PCNT: variants seen among roughly 807,000 people sequenced by gnomAD.
The protein encoded by PCNT is kendrin.
In PCNT, 319 loss-of-function variants were observed where a neutral mutation model predicts 380.4. The ratio of observed to expected loss-of-function variants is 0.84; its 90% confidence interval spans 0.77 to 0.92. The LOEUF is 0.92. PCNT is among the 40% of genes least tolerant of loss of function. The pLI is 0.00. For missense variants in PCNT, 4,400 were observed against 4,255.3 expected (o/e 1.03, Z -0.95); for synonymous variants, 1,845 against 1,735.2 (o/e 1.06, Z -1.57).
chr21:46,403,570 C>A (rs1283837643), intron 27 of PCNT, among the ~76,000 whole-genome samples: 1 of 122,118 alleles, frequency 8.2e-6, no homozygotes, highest in Non-Finnish European at 1.7e-5. Context: ...GTGTGTGGTG[C>A]CCACGTGGCA....
In PCNT at chr21:46,425,894, C is replaced by T. The variant is rs2087474253; in HGVS notation, c.7243C>T (p.Pro2415Ser). 6.2e-7 allele frequency: 1 copy of T among 1,613,738 alleles called. No individual in the cohort carries two copies. The highest frequency in any genetic ancestry group is 8.5e-7 in the Non-Finnish European group (1 of 1,180,012). ...CCTGGCGCTGTCAGAAGGCCTTGCACCCCCAAGCGGCGAGCCACACCCACC... is the reference window on the plus strand; with the variant it reads ...CCTGGCGCTGTCAGAAGGCCTTGCATCCCCAAGCGGCGAGCCACACCCACC... ...QILALSEGLA[P>S]PSGEPHPPRK... is the part of the protein sequence containing the mutation. The change falls in exon 33 of 47, where the codon CCC becomes TCC. Residue 2415 changes from proline (P) to serine (S), a missense_variant. Physicochemically the swap from Pro to Ser is moderately conservative, Grantham distance 74. Transcript: ENST00000359568. This position sits in a 1 kb window ranked among gnomAD's most constrained non-coding sequence, Gnocchi z 4.2.
intron 38 of PCNT, 88 bp downstream of exon 38, chr21:46,432,303 A>T (rs1404236155): frequency 4.6e-6 from 6 of 1,310,430 alleles, no homozygotes; most frequent in African/African-American, 1.5e-5. Context: ...CGCGAGATTT[A>T]TGTCTGGCCC....
chr21:46,389,939 C>T (rs1024004501), intron 19 of PCNT, among the ~76,000 whole-genome samples: 6 of 152,160 alleles, frequency 3.9e-5, no homozygotes, highest in Admixed American at 6.5e-5. Flanking sequence ...GTGGCCCTCC[C>T]GGAGTTGGAC....
At chr21:46,413,025 C>G (rs13046463) in intron 29 of PCNT, 33 bp downstream of exon 29, 2 of 1,547,278 alleles carry the variant, frequency 1.3e-6, no homozygotes, top group Non-Finnish European at 8.8e-7. Context: ...GAGGTCCCCC[C>G]GGGAGAGGCT....
intron 32 of PCNT, among the ~76,000 whole-genome samples, chr21:46,424,959 C>T (rs1477888269): frequency 6.6e-6 from 1 of 152,212 alleles, no homozygotes; most frequent in Non-Finnish European, 1.5e-5. Flanking sequence ...GTTAAAATTA[C>T]AGGAAAGCCT....
Position 46,363,605 on chromosome 21 carries a change from G to A in PCNT, c.2280G>A (p.Gln760=), listed in dbSNP as rs2084793173. ...GGAAAGTTATGAAGGAGGAGCTACAGCGGGAAGCTGAGGAGAAGTTAACAT... is the reference window on the plus strand; with the variant it reads ...GGAAAGTTATGAAGGAGGAGCTACAACGGGAAGCTGAGGAGAAGTTAACAT... ...TDWKVMKEEL[Q]REAEEKLTLM... Residue 760 remains glutamine, a synonymous_variant, in exon 14 of 47, where the codon CAG becomes CAA. Transcript: ENST00000359568. The A allele has an allele frequency of 6.2e-7, 1 of 1,614,126 alleles. No individual in the cohort carries two copies. The highest frequency in any genetic ancestry group is 1.7e-5 in the Admixed American group (1 of 60,014).
intron 13 of PCNT, among the ~76,000 whole-genome samples, chr21:46,359,230 G>C (rs1448329392): frequency 1.3e-5 from 2 of 149,152 alleles, no homozygotes; most frequent in Non-Finnish European, 3.0e-5. Flanking sequence ...TGGGACTACA[G>C]GCGTGAGCCA....
intron 11 of PCNT, among the ~76,000 whole-genome samples, chr21:46,354,564 T>C (rs1266929075): frequency 6.6e-6 from 1 of 152,208 alleles, no homozygotes; most frequent in Non-Finnish European, 1.5e-5. Flanking sequence ...CAGCAGTATG[T>C]GTGGCTGTGG....
intron 21 of PCNT, among the ~76,000 whole-genome samples, chr21:46,393,313 G>T (rs2086097272): frequency 6.6e-6 from 1 of 152,184 alleles, no homozygotes; most frequent in African/African-American, 2.4e-5. Context: ...ATCTCCTCAG[G>T]ATTTTTCAGG....
intron 35 of PCNT, among the ~76,000 whole-genome samples, chr21:46,429,499 C>T (rs993634568): frequency 6.6e-6 from 1 of 152,002 alleles, no homozygotes; most frequent in East Asian, 1.9e-4. Context: ...GGGTGGTGGG[C>T]CGGTGCTGTC....
chr21:46,367,125 C>A lies in PCNT; in HGVS notation c.3151C>A (p.Gln1051Lys). 1 of 1,612,806 alleles carries A rather than the reference C, an allele frequency of 6.2e-7. No individual in the cohort carries two copies. The highest frequency in any genetic ancestry group is 1.1e-5 in the South Asian group (1 of 91,072). Residue 1051 changes from glutamine to lysine, a missense_variant, in exon 15 of 47, where the codon CAG becomes AAG. By Grantham distance (53) the Gln-to-Lys change is moderately conservative. Coordinates refer to ENST00000359568, the MANE Select transcript of PCNT (RefSeq NM_006031.6). ...ELAGTVAHEL[Q>K]GVHQGEFGSE... ...CGCCGGAACCGTGGCTCACGAGCTG[C>A]AGGGAGTGCACCAGGTAAGGCGCCA... is the stretch of plus-strand genomic sequence containing the variant.
chr21:46,360,296 C>G (rs2084661057), intron 13 of PCNT, among the ~76,000 whole-genome samples: 1 of 145,938 alleles, frequency 6.9e-6, no homozygotes, highest in African/African-American at 2.6e-5. Flanking sequence ...GATCTCGGCT[C>G]ACTGCAACCT....
rs868047279 is a variant in PCNT, at chr21:46,445,561, C to T, written c.*234C>T. 1.3e-4 allele frequency: 76 copies of T among 567,620 alleles called. No homozygotes were observed. Among genetic ancestry groups the T allele is most frequent in the Middle Eastern group, 9.4e-4 (2 of 2,136 alleles). The allele number at this position is 567,620 out of a possible 1,614,324, so 35.2% of individuals were successfully genotyped here. ...TAGGCCCATGACCTTCGTGAGGTGA[C>T]GGGCACTCACTCCCATGAGCCCTGG... On this transcript the variant is annotated 3_prime_UTR_variant, in exon 47 of 47. Transcript: ENST00000359568.
chr21:46,353,639 C>T (rs1350714947), intron 10 of PCNT, among the ~76,000 whole-genome samples: 1 of 149,794 alleles, frequency 6.7e-6, no homozygotes, highest in Non-Finnish European at 1.5e-5. Flanking sequence ...TCCAGGCCTG[C>T]GTGTGTGTGT....
intron 31 of PCNT, among the ~76,000 whole-genome samples, chr21:46,418,811 C>G (rs1287468876): frequency 6.6e-6 from 1 of 152,372 alleles, no homozygotes; most frequent in East Asian, 1.9e-4. Context: ...GCCGAGGGGC[C>G]GCTGACTGTG....
intron 32 of PCNT, among the ~76,000 whole-genome samples, chr21:46,423,790 G>T (rs1602059126): frequency 1.0e-5 from 1 of 98,142 alleles, no homozygotes; most frequent in Non-Finnish European, 2.1e-5. Context: ...AGGGGGAGGG[G>T]AGGAGGAAGA....
chr21:46,324,180 CTG>C lies in PCNT; in HGVS notation c.-45_-44del. On this transcript the variant is annotated 5_prime_UTR_variant, in exon 1 of 47. Coordinates refer to ENST00000359568, the MANE Select transcript of PCNT (RefSeq NM_006031.6). ...GAGTGTAAATAGAGCGAAGGCTGCT[CTG>C]TGTCAGCCCCGTCACCGCCGGGCGG... The C allele has an allele frequency of 3.9e-6, 6 of 1,522,596 alleles. No individual in the cohort carries two copies. The highest frequency in any genetic ancestry group is 5.4e-6 in the Non-Finnish European group (6 of 1,105,822). 94.3% of individuals were successfully genotyped at this position (1,522,596 alleles called of 1,614,324 possible). A position where few individuals can be genotyped will look rare whatever the true frequency, so the allele number is the denominator to read the frequency against.
At chr21:46,355,117 C>A (rs1336564219) in intron 11 of PCNT, among the ~76,000 whole-genome samples, 1 of 152,144 alleles carries the variant, frequency 6.6e-6, no homozygotes, top group Non-Finnish European at 1.5e-5. Context: ...AGGGGAGACG[C>A]GAGGGGCACG....
intron 16 of PCNT, among the ~76,000 whole-genome samples, chr21:46,384,737 T>G (rs1364881512): frequency 7.0e-6 from 1 of 141,992 alleles, no homozygotes; most frequent in Non-Finnish European, 1.6e-5. Context: ...CATGGTGTTG[T>G]GCGTTGAGCG....
Sources: gnomAD v4.1 joint callset for allele counts (sites outside exome capture counted in the v4.1 genomes callset) on GRCh38, gnomAD v4.1.1 for gene constraint, Gnocchi (gnomAD v3.1) non-coding constraint, MANE v1.5 for transcripts, NCBI Gene and HGNC (gene_info 2026-07-23, HGNC 2026-07-21) for gene names.